The following RPS6KC1 variants were observed in gnomAD, a reference collection of about 807,000 sequenced individuals.
The protein encoded by RPS6KC1 is inactive ribosomal protein S6 kinase delta-1.
Under a neutral mutation model 103.8 loss-of-function variants are expected in RPS6KC1, and 54 were observed. That is an observed-to-expected ratio of 0.52 (90% CI 0.42 to 0.65). The LOEUF is 0.65. RPS6KC1 is among the 30% of genes least tolerant of loss of function. The pLI, the probability that RPS6KC1 is intolerant of heterozygous loss-of-function variation, is 0.00. For synonymous variants in RPS6KC1, 439 were observed against 438.7 expected, an observed-to-expected ratio of 1.00 and a Z score of -0.01; for missense variants, 1,151 against 1,253.8, an observed-to-expected ratio of 0.92 and a Z score of 1.24.
intron 3 of RPS6KC1, among the ~76,000 whole-genome samples, chr1:213,103,713 A>AT (rs568421187): frequency 8.9e-4 from 136 of 152,238 alleles, no homozygotes; most frequent in Admixed American, 1.5e-3. Context: ...CTGATTTTGT[A>AT]TTTTTTTATT....
At chr1:213,328,514 A>ATATG in the RPS6KC1 span, among the ~76,000 whole-genome samples, 4 of 48,318 alleles carry the variant, frequency 8.3e-5, no homozygotes, top group South Asian at 1.5e-3. Context: ...CTATATATAT[A>ATATG]TATATATATA....
At chr1:213,358,638 T>C in the RPS6KC1 span, among the ~76,000 whole-genome samples, 3 of 152,352 alleles carry the variant, frequency 2.0e-5, no homozygotes, top group East Asian at 1.9e-4. Flanking sequence ...TCTCCTTCAG[T>C]TCTGCTCTGA....
chr1:213,457,388 A>G, the RPS6KC1 span, among the ~76,000 whole-genome samples: 10 of 152,244 alleles, frequency 6.6e-5, no homozygotes, highest in African/African-American at 2.4e-4. Flanking sequence ...CTTCCAGGGA[A>G]GGCCTATGGC....
At chr1:213,712,777 A>G in the RPS6KC1 span, among the ~76,000 whole-genome samples, 2 of 152,052 alleles carry the variant, frequency 1.3e-5, no homozygotes, top group Admixed American at 1.3e-4. Context: ...GAGTTCCCCG[A>G]TCTCTTCAAC....
chr1:213,360,547 T>G, the RPS6KC1 span, among the ~76,000 whole-genome samples: 1 of 152,246 alleles, frequency 6.6e-6, no homozygotes, highest in Non-Finnish European at 1.5e-5. Context: ...GAAGCCTTCT[T>G]CTCTCAGCTC....
At chr1:213,301,271 G>T in the RPS6KC1 span, among the ~76,000 whole-genome samples, 2 of 152,338 alleles carry the variant, frequency 1.3e-5, no homozygotes, top group East Asian at 3.9e-4. Context: ...ATGCCCACCA[G>T]AAGGAATGTC....
At chr1:213,652,890 A>G in the RPS6KC1 span, among the ~76,000 whole-genome samples, 13 of 152,310 alleles carry the variant, frequency 8.5e-5, no homozygotes, top group East Asian at 1.9e-3. Context: ...TTAATAAATC[A>G]TCATTTTCTG....
the RPS6KC1 span, among the ~76,000 whole-genome samples, chr1:213,478,738 T>C: frequency 1.3e-5 from 2 of 152,164 alleles, no homozygotes; most frequent in African/African-American, 4.8e-5. Context: ...TTGTATATTT[T>C]AGAAGACAAT....
the RPS6KC1 span, among the ~76,000 whole-genome samples, chr1:213,440,638 C>T: frequency 1.3e-5 from 2 of 148,730 alleles, no homozygotes; most frequent in South Asian, 2.1e-4. Context: ...CCCATAACAC[C>T]GGGTTCTTTG....
intron 14 of RPS6KC1, among the ~76,000 whole-genome samples, chr1:213,268,563 A>G (rs185822558): frequency 6.8e-6 from 1 of 147,486 alleles, no homozygotes; most frequent in East Asian, 1.9e-4. Flanking sequence ...TAATTTATTT[A>G]TATATTTATA....
At position 213,273,261 on chromosome 1, in the gene RPS6KC1, G is replaced by A. The variant is rs41307658; in HGVS notation, c.*627G>A. The A allele has an allele frequency of 0.034, 5,128 of 152,618 alleles. 117 individuals are homozygous for A. Among genetic ancestry groups the A allele is most frequent in the Middle Eastern group, 0.054 (16 of 294 alleles). 9.5% of individuals were successfully genotyped at this position (152,618 alleles called of 1,614,324 possible). On this transcript the variant is annotated 3_prime_UTR_variant, in exon 15 of 15. Coordinates refer to ENST00000366960, the MANE Select transcript of RPS6KC1 (RefSeq NM_012424.6). ...TGTTGATACTGCTTATTTAGAGAAG[G>A]GTTCATATAAACACTCACTCTGTGT...
chr1:213,749,632 A>G, the RPS6KC1 span, among the ~76,000 whole-genome samples: 2 of 152,194 alleles, frequency 1.3e-5, no homozygotes, highest in Non-Finnish European at 2.9e-5. Context: ...CAGGGTGCCA[A>G]GAGCACCTCG....
chr1:213,608,826 A>T, the RPS6KC1 span, among the ~76,000 whole-genome samples: 4 of 152,202 alleles, frequency 2.6e-5, no homozygotes, highest in African/African-American at 9.6e-5. Flanking sequence ...AAATTTCTTC[A>T]TTAATGTAAA....
the RPS6KC1 span, among the ~76,000 whole-genome samples, chr1:213,369,744 C>T: frequency 1.3e-5 from 2 of 152,334 alleles, no homozygotes; most frequent in East Asian, 1.9e-4. Context: ...GCTGGTGTGG[C>T]CAGCAGGATG....
chr1:213,552,330 C>A, the RPS6KC1 span, among the ~76,000 whole-genome samples: 1 of 152,224 alleles, frequency 6.6e-6, no homozygotes, highest in Non-Finnish European at 1.5e-5. Flanking sequence ...TTTTGCATTT[C>A]CACCAGCAAT....
chr1:213,532,824 G>A, the RPS6KC1 span, among the ~76,000 whole-genome samples: 3 of 152,218 alleles, frequency 2.0e-5, no homozygotes, highest in Non-Finnish European at 4.4e-5. Context: ...ATGTGCCACC[G>A]TCTTGAGAGA....
intron 4 of RPS6KC1, among the ~76,000 whole-genome samples, chr1:213,107,419 G>T (rs2148807800): frequency 6.6e-6 from 1 of 152,244 alleles, no homozygotes; most frequent in South Asian, 2.1e-4. Context: ...CACAACATAA[G>T]TATATAGGTT....
the RPS6KC1 span, among the ~76,000 whole-genome samples, chr1:213,516,659 G>C: frequency 6.6e-6 from 1 of 152,132 alleles, no homozygotes; most frequent in Admixed American, 6.5e-5. Context: ...TTTTGGCATC[G>C]ATGTTCATCA....
At chr1:213,447,480 C>T in the RPS6KC1 span, among the ~76,000 whole-genome samples, 1 of 152,128 alleles carries the variant, frequency 6.6e-6, no homozygotes, top group Non-Finnish European at 1.5e-5. Flanking sequence ...AACATGTAAT[C>T]AATATAAATA....
Sources: allele counts gnomAD v4.1 joint callset (sites outside exome capture counted in the v4.1 genomes callset), GRCh38; gene constraint gnomAD v4.1.1; transcripts MANE v1.5; gene names NCBI Gene and HGNC (gene_info 2026-07-23, HGNC 2026-07-21).